Variants in PDE4B observed in about 807,000 individuals in gnomAD.
The protein encoded by PDE4B is phosphodiesterase 4B, also known as 3',5'-cyclic-AMP phosphodiesterase 4B.
Under a neutral mutation model 82.2 loss-of-function variants are expected in PDE4B, and 20 were observed. That is an observed-to-expected ratio of 0.24 (90% confidence interval 0.17 to 0.35). The LOEUF is 0.35. PDE4B is among the 10% of genes least tolerant of loss of function. The pLI, the probability that PDE4B is intolerant of heterozygous loss-of-function variation, is 1.00. For missense variants in PDE4B, 655 were observed against 907.2 expected (o/e 0.72, Z 3.57); for synonymous variants, 320 against 318.9 (o/e 1.00, Z -0.04).
In PDE4B at chr1:66,107,039, A is replaced by G. The variant is rs988410674; in HGVS notation, c.282-140421A>G. The stretch of plus-strand genomic sequence containing the variant: ...TTTTAATTGTGATGTTAGGGTGTCA[A>G]TTTTGGATCTTTCCTGCTTTCTCTT... On this transcript the variant is annotated intron_variant, in intron 3 of 16. Coordinates refer to ENST00000341517, the MANE Select transcript of PDE4B (RefSeq NM_002600.4). Among the ~76,000 whole-genome samples, 7 of 146,674 alleles carry G rather than the reference A, an allele frequency of 4.8e-5. No homozygotes were observed. In the South Asian group the frequency reaches 1.1e-3, roughly 24 times the overall value.
At chr1:66,111,576 G>A (rs996749151) in intron 3 of PDE4B, among the ~76,000 whole-genome samples, 1 of 152,082 alleles carries the variant, frequency 6.6e-6, no homozygotes, top group African/African-American at 2.4e-5. Context: ...CTTCATCTAT[G>A]TTGTAGCATG....
At position 66,039,082 on chromosome 1, in the gene PDE4B, G is replaced by A. The variant is rs570275603; in HGVS notation, c.281+120247G>A. On this transcript the variant is annotated intron_variant, in intron 3 of 16. Coordinates refer to ENST00000341517, the MANE Select transcript of PDE4B (RefSeq NM_002600.4). The stretch of plus-strand genomic sequence containing the variant: ...GAAACAATGAATTGTTTATGTTCTT[G>A]TTACCTGAATAAAACTGATAATTTC... 3.9e-5 allele frequency among the ~76,000 whole-genome samples: 6 copies of A among 152,026 alleles called. No homozygotes were observed. The East Asian group carries it at 7.7e-4, about 20-fold the overall frequency.
intron 3 of PDE4B, among the ~76,000 whole-genome samples, chr1:66,067,498 G>A (rs951947052): frequency 7.8e-4 from 119 of 152,226 alleles, no homozygotes; most frequent in African/African-American, 2.6e-3. Flanking sequence ...TTTGAGAAGT[G>A]TCTGTTCATC....
At chr1:66,175,216 T>G (rs1196568731) in intron 3 of PDE4B, among the ~76,000 whole-genome samples, 1 of 152,208 alleles carries the variant, frequency 6.6e-6, no homozygotes, top group Non-Finnish European at 1.5e-5. Context: ...CAGTAAATAC[T>G]TCTTTATTGA....
At chr1:66,162,642 T>A (rs1646640295) in intron 3 of PDE4B, among the ~76,000 whole-genome samples, 1 of 152,170 alleles carries the variant, frequency 6.6e-6, no homozygotes, top group African/African-American at 2.4e-5. Flanking sequence ...TACTTACTTG[T>A]TGAGCATGCC....
chr1:66,228,991 T>C (rs1318744185), intron 3 of PDE4B, among the ~76,000 whole-genome samples: 4 of 146,988 alleles, frequency 2.7e-5, no homozygotes, highest in Non-Finnish European at 6.0e-5. Context: ...GACCTAATAT[T>C]GGGGAAGGAA....
intron 3 of PDE4B, among the ~76,000 whole-genome samples, chr1:65,995,909 T>C (rs1480613300): frequency 6.6e-6 from 1 of 152,232 alleles, no homozygotes; most frequent in Non-Finnish European, 1.5e-5. Flanking sequence ...ATGCAGTTTA[T>C]ATGCAAACCC....
chr1:65,993,256 AGT>A, intron 3 of PDE4B: 1 of 736,458 alleles, frequency 1.4e-6, no homozygotes. Flanking sequence ...ACATACTGCA[AGT>A]GTGAAATGAA....
At chr1:65,958,777 C>T (rs1365541772) in intron 3 of PDE4B, among the ~76,000 whole-genome samples, 1 of 151,464 alleles carries the variant, frequency 6.6e-6, no homozygotes, top group Non-Finnish European at 1.5e-5. Flanking sequence ...CACACATACA[C>T]ACACGCAAAA....
chr1:65,952,076 G>A (rs1649029297), intron 3 of PDE4B, among the ~76,000 whole-genome samples: 1 of 152,016 alleles, frequency 6.6e-6, no homozygotes, highest in African/African-American at 2.4e-5. Flanking sequence ...TAGAGAACTT[G>A]TTAAAAATGA....
chr1:65,850,284 A>G (rs1205872841), intron 1 of PDE4B, among the ~76,000 whole-genome samples: 6 of 151,664 alleles, frequency 4.0e-5, no homozygotes, highest in African/African-American at 1.2e-4. Context: ...TTTAGTAGAG[A>G]TGAGGTTTCA....
chr1:66,014,671 C>T (rs942334226), intron 3 of PDE4B, among the ~76,000 whole-genome samples: 4 of 152,250 alleles, frequency 2.6e-5, no homozygotes, highest in African/African-American at 9.6e-5. Context: ...GAAAGAATCA[C>T]GACTAAAGTT....
chr1:65,925,226 T>C, intron 3 of PDE4B, among the ~76,000 whole-genome samples: 1 of 152,292 alleles, frequency 6.6e-6, no homozygotes, highest in African/African-American at 2.4e-5. Context: ...TAATGCATGC[T>C]GGGCTTAATA....
chr1:65,947,965 A>G (rs1648796010), intron 3 of PDE4B, among the ~76,000 whole-genome samples: 1 of 148,292 alleles, frequency 6.7e-6, no homozygotes, highest in Non-Finnish European at 1.5e-5. Context: ...ATACATATAC[A>G]TAAATATATA....
intron 6 of PDE4B, 139 bp from the exon 7 acceptor site, chr1:66,265,899 C>A: frequency 1.5e-6 from 1 of 673,198 alleles, no homozygotes; most frequent in Non-Finnish European, 2.7e-6. Context: ...AGGAGCTTGC[C>A]TTCCGGAGAT....
At chr1:65,806,808 C>G (rs542536268) in intron 1 of PDE4B, among the ~76,000 whole-genome samples, 1 of 152,182 alleles carries the variant, frequency 6.6e-6, no homozygotes, top group African/African-American at 2.4e-5. Context: ...TGACCAAACT[C>G]TCATTACTGC....
intron 7 of PDE4B, among the ~76,000 whole-genome samples, chr1:66,292,498 G>A (rs142140603): frequency 6.6e-6 from 1 of 152,268 alleles, no homozygotes; most frequent in South Asian, 2.1e-4. Flanking sequence ...CTACTTACCA[G>A]CTTGAAAGAT....
chr1:66,297,130 G>C (rs761975959), intron 7 of PDE4B, among the ~76,000 whole-genome samples: 1 of 152,000 alleles, frequency 6.6e-6, no homozygotes, highest in Non-Finnish European at 1.5e-5. Flanking sequence ...GACTCACACA[G>C]ATTCAGATTC....
chr1:66,147,014 A>G (rs542472711), intron 3 of PDE4B, among the ~76,000 whole-genome samples: 3 of 152,356 alleles, frequency 2.0e-5, no homozygotes, highest in African/African-American at 7.2e-5. Context: ...AAGGGTTTAT[A>G]TATGACTACA....
Sources: allele counts gnomAD v4.1 joint callset (sites outside exome capture counted in the v4.1 genomes callset), GRCh38; gene constraint gnomAD v4.1.1; transcripts MANE v1.5; gene names NCBI Gene and HGNC (gene_info 2026-07-23, HGNC 2026-07-21).